MAP4: variants seen among roughly 807,000 people sequenced by gnomAD.
MAP4 encodes microtubule associated protein 4.
Under a neutral mutation model 170.2 loss-of-function variants are expected in MAP4, and 76 were observed. That is an observed-to-expected ratio of 0.45 (90% confidence interval 0.37 to 0.54). MAP4 has a LOEUF of 0.54. Among genes scored for constraint, MAP4 ranks in the 20% least tolerant of loss-of-function variants. The pLI, the probability that MAP4 is intolerant of heterozygous loss-of-function variation, is 0.00. For missense variants in MAP4, 2,506 were observed against 2,748.0 expected (o/e 0.91, Z 1.97); for synonymous variants, 909 against 994.5 (o/e 0.91, Z 1.62).
chr3:47,852,964 GGA>G, intron 20 of MAP4, 26 bp from the exon 21 acceptor site: 1 of 1,614,154 alleles, frequency 6.2e-7, no homozygotes, highest in East Asian at 2.2e-5. Context: ...AGGAGGGAAG[GGA>G]GAGGGGAACA....
intron 3 of MAP4, chr3:47,960,385 C>A: frequency 4.1e-6 from 1 of 241,406 alleles, no homozygotes. Flanking sequence ...CCTAAAGTAC[C>A]CTCTGTCTTC....
chr3:47,921,173 A>T (rs769961800), intron 5 of MAP4, among the ~76,000 whole-genome samples: 1 of 152,274 alleles, frequency 6.6e-6, no homozygotes, highest in Non-Finnish European at 1.5e-5. Flanking sequence ...TGACAGCCCA[A>T]CTGTGAATCT....
chr3:48,085,674 C>T (rs2100148652), intron 1 of MAP4, among the ~76,000 whole-genome samples: 1 of 152,162 alleles, frequency 6.6e-6, no homozygotes, highest in African/African-American at 2.4e-5. Context: ...GTAATCCCAA[C>T]ACTCTGGGAG....
intron 1 of MAP4, among the ~76,000 whole-genome samples, chr3:48,076,501 TAAA>T (rs78266678): frequency 1.6e-5 from 2 of 122,010 alleles, no homozygotes; most frequent in Admixed American, 8.2e-5. Context: ...GACTACATCT[TAAA>T]AAAAAAAAAA....
At chr3:48,023,664 A>G (rs1231487535) in intron 1 of MAP4, among the ~76,000 whole-genome samples, 1 of 152,228 alleles carries the variant, frequency 6.6e-6, no homozygotes, top group East Asian at 1.9e-4. Context: ...AACATGGTAG[A>G]CAATGACTTT....
At chr3:47,932,001 A>G (rs1263399155) in intron 3 of MAP4, 4 of 152,296 alleles carry the variant, frequency 2.6e-5, no homozygotes, top group East Asian at 3.9e-4. Flanking sequence ...TTTTTAGCAT[A>G]TACACAGTTA....
intron 1 of MAP4, among the ~76,000 whole-genome samples, chr3:48,078,352 A>G (rs891889955): frequency 5.3e-5 from 7 of 131,950 alleles, no homozygotes; most frequent in Non-Finnish European, 7.8e-5. Context: ...CAGGGTTGCC[A>G]TGCTATGTTG....
intron 10 of MAP4, among the ~76,000 whole-genome samples, chr3:47,890,432 G>A (rs2098356745): frequency 6.6e-6 from 1 of 152,130 alleles, no homozygotes; most frequent in Non-Finnish European, 1.5e-5. Context: ...AACACAGAAA[G>A]AATATTAAAT....
chr3:47,930,223 ATCATGAGG>A (rs1408411338), intron 3 of MAP4, among the ~76,000 whole-genome samples: 2 of 151,878 alleles, frequency 1.3e-5, no homozygotes, highest in African/African-American at 4.8e-5. Flanking sequence ...AGGCGGGTGG[ATCATGAGG>A]TCAGGAGATC....
rs546188751 is a variant in MAP4 at position 47,890,185 on chromosome 3, A to G, written c.5435-12662T>C. 3.9e-5 allele frequency among the ~76,000 whole-genome samples: 6 copies of G among 152,318 alleles called. No homozygotes were observed. The East Asian group carries it at 9.6e-4, about 24-fold the overall frequency. ...CTCAAACTGGACTCGGAGAAACACA[A>G]GCTTTTTTAGACCACCACAATAAGA... On this transcript the variant is annotated intron_variant, in intron 10 of 20. Transcript: ENST00000683076.
chr3:47,974,782 G>A (rs1224808221), intron 3 of MAP4: 1 of 957,740 alleles, frequency 1.0e-6, no homozygotes, highest in Non-Finnish European at 1.2e-6. Context: ...AAAAAATTTG[G>A]CCCAACTTGC....
At chr3:48,035,151 C>T (rs2100118127) in intron 1 of MAP4, among the ~76,000 whole-genome samples, 1 of 139,640 alleles carries the variant, frequency 7.2e-6, no homozygotes, top group Non-Finnish European at 1.5e-5. Context: ...CTTCATATTA[C>T]AGTCCAAACA....
intron 3 of MAP4, 134 bp downstream of exon 3, chr3:47,977,731 C>T (rs2100082992): frequency 8.3e-6 from 5 of 603,236 alleles, no homozygotes; most frequent in Non-Finnish European, 1.2e-5. Context: ...GGTTTAAATA[C>T]CTCCAACAAG....
chr3:47,871,037 CT>C lies in MAP4; in HGVS notation c.6069del (p.Ala2024ProfsTer26). On this transcript the variant is annotated frameshift_variant, in exon 15 of 21. Transcript: ENST00000683076. LOFTEE classifies it high-confidence loss of function. ...SMKKTTTLSG[T>X]APAAGVVPSR... ...CTGGGAACCACCCCTGCAGCGGGGG[CT>C]GTCCCACTGAGAGTGGTGGTTTTCT... 6.2e-7 allele frequency: 1 copy of C among 1,613,502 alleles called. No homozygotes were observed. Among genetic ancestry groups the C allele is most frequent in the Non-Finnish European group, 8.5e-7 (1 of 1,179,664 alleles).
intron 1 of MAP4, among the ~76,000 whole-genome samples, chr3:48,066,966 G>C (rs2100138630): frequency 1.3e-5 from 2 of 150,794 alleles, no homozygotes; most frequent in Admixed American, 6.6e-5. Flanking sequence ...TCAGCCTCCT[G>C]AGCAGCTGGG....
At chr3:47,903,695 C>T (rs1426191740) in intron 9 of MAP4, among the ~76,000 whole-genome samples, 1 of 152,172 alleles carries the variant, frequency 6.6e-6, no homozygotes, top group Non-Finnish European at 1.5e-5. Flanking sequence ...AACAGTAGAG[C>T]AAACAGTAAG....
At chr3:47,997,291 C>A in intron 2 of MAP4, among the ~76,000 whole-genome samples, 1 of 79,968 alleles carries the variant, frequency 1.3e-5, no homozygotes, top group South Asian at 3.9e-4. Flanking sequence ...AGAAAACTTC[C>A]AAAATATCAT....
At chr3:48,054,648 A>G (rs1003104643) in intron 1 of MAP4, among the ~76,000 whole-genome samples, 1 of 149,856 alleles carries the variant, frequency 6.7e-6, no homozygotes, top group African/African-American at 2.5e-5. Flanking sequence ...AAAAAAAAAA[A>G]AAAAAAAAAA....
Position 48,080,106 on chromosome 3 carries a change from G to A in MAP4, c.-20+8667C>T, listed in dbSNP as rs182335667. ...ACAAAATAACTGTCATTGAATAGGT[G>A]CAAAGTTGAGATTAGAGCTACAGGG... On this transcript the variant is annotated intron_variant, in intron 1 of 18. Transcript: ENST00000360240. 1.5e-4 allele frequency among the ~76,000 whole-genome samples: 23 copies of A among 152,338 alleles called. No individual in the cohort carries two copies. In the East Asian group the frequency reaches 3.5e-3, roughly 23 times the overall value.
Sources: gnomAD v4.1 joint callset for allele counts (sites outside exome capture counted in the v4.1 genomes callset) on GRCh38, gnomAD v4.1.1 for gene constraint, MANE v1.5 for transcripts, NCBI Gene and HGNC (gene_info 2026-07-23, HGNC 2026-07-21) for gene names.